The following SLC8A1 variants were observed in gnomAD, a reference collection of about 807,000 sequenced individuals.
The protein encoded by SLC8A1 is sodium/calcium exchanger 1.
In SLC8A1, 18 loss-of-function variants were observed where a neutral mutation model predicts 68.3. That is an observed-to-expected ratio of 0.26 (90% CI 0.18 to 0.39). The LOEUF is 0.39. Ranked by LOEUF, SLC8A1 falls within the 10% of genes least tolerant of loss-of-function variation. The pLI is 1.00. For synonymous variants in SLC8A1, 475 were observed against 415.5 expected (o/e 1.14, Z -1.74); for missense variants, 985 against 1,156.7 (o/e 0.85, Z 2.15).
intron 1 of SLC8A1, among the ~76,000 whole-genome samples, chr2:40,488,296 C>T (rs1705097557): frequency 6.6e-6 from 1 of 151,756 alleles, no homozygotes; most frequent in Non-Finnish European, 1.5e-5. Flanking sequence ...CTCCTGCTAG[C>T]TCACCAAGGA....
intron 2 of SLC8A1, among the ~76,000 whole-genome samples, chr2:40,397,758 G>C (rs1687445668): frequency 6.6e-6 from 1 of 152,200 alleles, no homozygotes; most frequent in Non-Finnish European, 1.5e-5. Context: ...AATAGAAACA[G>C]AGATCCAGGT....
At chr2:40,355,607 G>C (rs1192794970) in intron 2 of SLC8A1, among the ~76,000 whole-genome samples, 1 of 152,094 alleles carries the variant, frequency 6.6e-6, no homozygotes, top group Non-Finnish European at 1.5e-5. Context: ...CACTCTTACT[G>C]ATTACCACAC....
chr2:40,395,847 C>T (rs891720006), intron 2 of SLC8A1, among the ~76,000 whole-genome samples: 1 of 152,076 alleles, frequency 6.6e-6, no homozygotes, highest in Non-Finnish European at 1.5e-5. Flanking sequence ...GAAGGTCCTG[C>T]TCTAAATAAA....
chr2:40,495,038 A>C (rs942621824), intron 1 of SLC8A1, among the ~76,000 whole-genome samples: 1 of 151,944 alleles, frequency 6.6e-6, no homozygotes, highest in Non-Finnish European at 1.5e-5. Context: ...ACCCAAAAAA[A>C]TCATACTGCT....
intron 1 of SLC8A1, among the ~76,000 whole-genome samples, chr2:40,507,024 T>C (rs191058800): frequency 2.5e-4 from 38 of 152,116 alleles, no homozygotes; most frequent in African/African-American, 8.2e-4. Context: ...ACTCACAAAA[T>C]TGGTAAAAAT....
In SLC8A1 at chr2:40,432,615, A is replaced by C. The variant is rs77667120; in HGVS notation, c.-24-2311T>G. Among the ~76,000 whole-genome samples the C allele has an allele frequency of 9.0e-3, 1,362 of 151,982 alleles. 21 individuals carry two copies. The highest frequency in any genetic ancestry group is 0.031 in the African/African-American group (1,300 of 41,442). ...GAATCATGCTTGGCACAGTCTAAAA[A>C]CACAGAAAACCAATGTAGCAAGAGG... is the stretch of plus-strand genomic sequence containing the variant. On this transcript the variant is annotated intron_variant, in intron 1 of 7. Coordinates refer to ENST00000406785, the Ensembl canonical transcript of SLC8A1.
At chr2:40,233,892 A>C in intron 2 of SLC8A1, among the ~76,000 whole-genome samples, 1 of 151,564 alleles carries the variant, frequency 6.6e-6, no homozygotes, top group Non-Finnish European at 1.5e-5. Context: ...GGTTTGTCAA[A>C]GATCAGATAG....
chr2:40,331,168 G>C (rs1341600509), intron 2 of SLC8A1, among the ~76,000 whole-genome samples: 1 of 152,112 alleles, frequency 6.6e-6, no homozygotes, highest in Non-Finnish European at 1.5e-5. Flanking sequence ...AGAATTTATT[G>C]AGATAATTCA....
chr2:40,428,476 A>T lies in SLC8A1; in HGVS notation c.1805T>A (p.Ile602Asn), dbSNP rs1697455735. 6.3e-7 allele frequency: 1 copy of T among 1,583,810 alleles called. No individual in the cohort carries two copies. The highest frequency in any genetic ancestry group is 1.4e-5 in the African/African-American group (1 of 73,702). Residue 602 changes from isoleucine to asparagine, a missense_variant, in exon 2 of 8, where the codon ATT (isoleucine) becomes AAT (asparagine). Coordinates refer to ENST00000406785, the Ensembl canonical transcript of SLC8A1. ...ACATATATAATATAGAACTTACACAATTTCATCATTCTGGAATTCGAGCTC... is the reference window on the plus strand; with the variant it reads ...ACATATATAATATAGAACTTACACATTTTCATCATTCTGGAATTCGAGCTC...
At chr2:40,200,249 T>TATAA (rs1553408010) in intron 2 of SLC8A1, among the ~76,000 whole-genome samples, 1,984 of 26,870 alleles carry the variant, frequency 0.074, 446 homozygotes, top group Non-Finnish European at 0.1. Context: ...AATATATATA[T>TATAA]ATATATATAT....
At chr2:40,160,152 A>G (rs888805557) in intron 6 of SLC8A1, among the ~76,000 whole-genome samples, 1 of 152,194 alleles carries the variant, frequency 6.6e-6, no homozygotes. Flanking sequence ...ATACAGGAAG[A>G]GCACACCTCT....
intron 7 of SLC8A1, among the ~76,000 whole-genome samples, chr2:40,139,077 G>A (rs2041074519): frequency 6.6e-6 from 1 of 152,090 alleles, no homozygotes; most frequent in African/African-American, 2.4e-5. Context: ...CTATATTTTT[G>A]TTTTGTCTTT....
intron 2 of SLC8A1, among the ~76,000 whole-genome samples, chr2:40,412,343 G>A (rs1692406482): frequency 1.3e-5 from 2 of 151,864 alleles, no homozygotes; most frequent in East Asian, 1.9e-4. Flanking sequence ...TCTCCTTCCC[G>A]AGAATACAAA....
At chr2:40,362,792 A>G (rs1674982105) in intron 2 of SLC8A1, among the ~76,000 whole-genome samples, 1 of 152,172 alleles carries the variant, frequency 6.6e-6, no homozygotes, top group Non-Finnish European at 1.5e-5. Context: ...AAAACATTGT[A>G]AAAACTACAT....
At chr2:40,270,375 A>G (rs920411282) in intron 2 of SLC8A1, among the ~76,000 whole-genome samples, 8 of 152,372 alleles carry the variant, frequency 5.3e-5, no homozygotes, top group Middle Eastern at 3.4e-3. Context: ...TTTGTATGTC[A>G]GAAGTCTGAC....
intron 1 of SLC8A1, among the ~76,000 whole-genome samples, chr2:40,467,353 A>C (rs1703741976): frequency 6.6e-6 from 1 of 152,124 alleles, no homozygotes; most frequent in Non-Finnish European, 1.5e-5. Flanking sequence ...TCACAGGGAA[A>C]TGATTTGCCC....
intron 1 of SLC8A1, among the ~76,000 whole-genome samples, chr2:40,499,120 A>T (rs1387724025): frequency 6.6e-6 from 1 of 152,090 alleles, no homozygotes; most frequent in East Asian, 1.9e-4. Context: ...AGAGTGTCAC[A>T]TGGAAGAAGA....
At chr2:40,186,898 G>C (rs1169139407) in intron 2 of SLC8A1, among the ~76,000 whole-genome samples, 1 of 152,162 alleles carries the variant, frequency 6.6e-6, no homozygotes, top group Non-Finnish European at 1.5e-5. Context: ...GAAATTCGCA[G>C]GTTATTGCAA....
intron 2 of SLC8A1, among the ~76,000 whole-genome samples, chr2:40,252,845 TATG>T: frequency 8.8e-6 from 1 of 113,254 alleles, no homozygotes; most frequent in Non-Finnish European, 1.8e-5. Flanking sequence ...TGTATACATA[TATG>T]TATATATACA....
Sources: gnomAD v4.1 joint callset for allele counts (sites outside exome capture counted in the v4.1 genomes callset) on GRCh38, gnomAD v4.1.1 for gene constraint, MANE v1.5 for transcripts, NCBI Gene and HGNC (gene_info 2026-07-23, HGNC 2026-07-21) for gene names.